FSIP2: variants seen among roughly 807,000 people sequenced by gnomAD.
FSIP2 encodes fibrous sheath interacting protein 2, also known as fibrous sheath-interacting protein 2.
FSIP2 carries 367 observed loss-of-function variants against 510.5 expected under a neutral mutation model. That is an observed-to-expected ratio of 0.72 (90% CI 0.66 to 0.78). The LOEUF (loss-of-function observed/expected upper bound fraction) is 0.78, where lower values mean the gene tolerates loss of function less well. Ranked by LOEUF, FSIP2 falls within the 30% of genes least tolerant of loss-of-function variation. The pLI is 0.00. For synonymous variants in FSIP2, 2,601 were observed against 2,732.2 expected, an observed-to-expected ratio of 0.95 and a Z score of 1.50; for missense variants, 7,594 against 7,901.7, an observed-to-expected ratio of 0.96 and a Z score of 1.48.
intron 13 of FSIP2, among the ~76,000 whole-genome samples, chr2:185,774,204 A>G (rs369807397): frequency 2.0e-5 from 3 of 152,210 alleles, no homozygotes; most frequent in East Asian, 3.8e-4. Flanking sequence ...AACTTAATAT[A>G]GAGCTAAAAA....
In FSIP2 at chr2:185,793,569, C is replaced by G; in HGVS notation, c.6433C>G (p.Leu2145Val). Reference protein sequence around the residue: ...MEGANKIIPKLSVPKSDVILI... With the variant: ...MEGANKIIPKVSVPKSDVILI... Reference sequence around the variant, plus strand: ...GGGTGCAAATAAGATTATTCCTAAGCTTTCAGTTCCTAAATCAGATGTCAT... The same window carrying G: ...GGGTGCAAATAAGATTATTCCTAAGGTTTCAGTTCCTAAATCAGATGTCAT... The change falls in exon 16 of 23, where the codon CTT becomes GTT. Residue 2145 changes from leucine (L) to valine (V), a missense_variant. By Grantham distance (32) the Leu-to-Val change is conservative (BLOSUM62 1). Transcript: ENST00000424728. 6.5e-7 allele frequency: 1 copy of G among 1,534,160 alleles called. No homozygotes were observed. Among genetic ancestry groups the G allele is most frequent in the Non-Finnish European group, 8.7e-7 (1 of 1,145,596 alleles).
At chr2:185,756,697 T>C (rs1020189796) in intron 9 of FSIP2, among the ~76,000 whole-genome samples, 5 of 151,398 alleles carry the variant, frequency 3.3e-5, no homozygotes, top group Non-Finnish European at 4.4e-5. Context: ...TTATGTTATG[T>C]CACTTCATGT....
At chr2:185,810,076 T>C (rs912701494) in intron 17 of FSIP2, among the ~76,000 whole-genome samples, 1 of 152,074 alleles carries the variant, frequency 6.6e-6, no homozygotes, top group African/African-American at 2.4e-5. Flanking sequence ...TATAGAACCA[T>C]GCCTCCTGGA....
chr2:185,738,577 G>A, upstream of FSIP2: 3 of 1,532,512 alleles, frequency 2.0e-6, no homozygotes, highest in Non-Finnish European at 2.6e-6. Flanking sequence ...CACCAACAAA[G>A]CTTATACGTT....
chr2:185,820,489 A>G (rs1005369941), intron 19 of FSIP2, among the ~76,000 whole-genome samples: 6 of 151,366 alleles, frequency 4.0e-5, no homozygotes, highest in Admixed American at 4.0e-4. Flanking sequence ...TTATATACAT[A>G]TATTGTTTTA....
chr2:185,808,807 C>A lies in FSIP2; in HGVS notation c.19501C>A (p.Pro6501Thr). The A allele has an allele frequency of 1.1e-5, 18 of 1,612,654 alleles. No individual in the cohort carries two copies. Among genetic ancestry groups the A allele is most frequent in the Non-Finnish European group, 1.4e-5 (17 of 1,179,406 alleles). The change falls in exon 17 of 23, where the codon CCT becomes ACT. Residue 6501 changes from proline (P) to threonine (T), a missense_variant. Physicochemically the swap from Pro to Thr is conservative, Grantham distance 38. Transcript: ENST00000424728. ...KAQEHAFNVI[P>T]ELEQEKLDQN... ...CCAAGAACATGCTTTTAATGTGATT[C>A]CTGAATTAGAGCAAGAAAAGTTAGA... is the stretch of plus-strand genomic sequence containing the variant.
intron 16 of FSIP2, among the ~76,000 whole-genome samples, chr2:185,799,307 G>T (rs1281505235): frequency 6.6e-6 from 1 of 151,642 alleles, no homozygotes; most frequent in Non-Finnish European, 1.5e-5. Flanking sequence ...TAAATGTTTT[G>T]TCTAAAGCTA....
In FSIP2 at chr2:185,790,505, C is replaced by T. The variant is rs951936498; in HGVS notation, c.3369C>T (p.Ser1123=). The T allele has an allele frequency of 2.3e-5, 35 of 1,534,150 alleles. No individual in the cohort carries two copies. Among genetic ancestry groups the T allele is most frequent in the East Asian group, 4.9e-5 (2 of 40,838 alleles). ...AGGAAATGCTCAAGGACATATCTTC[C>T]GTTCCTTTTGGTCACTTAGACAGCA... is the stretch of plus-strand genomic sequence containing the variant. ...ILKEMLKDIS[S]VPFGHLDSKT... is the part of the protein sequence containing the mutation. Residue 1123 remains serine, a synonymous_variant, in exon 16 of 23, where the codon TCC becomes TCT. Coordinates refer to ENST00000424728, the MANE Select transcript of FSIP2 (RefSeq NM_173651.4).
chr2:185,775,113 G>T (rs1692691666), intron 13 of FSIP2, among the ~76,000 whole-genome samples: 2 of 113,274 alleles, frequency 1.8e-5, no homozygotes, highest in Non-Finnish European at 3.6e-5. Flanking sequence ...GGGATGGCTG[G>T]GTCAAATGGT....
At chr2:185,754,386 G>A (rs1016386471) in intron 8 of FSIP2, among the ~76,000 whole-genome samples, 2 of 151,388 alleles carry the variant, frequency 1.3e-5, no homozygotes, top group South Asian at 2.1e-4. Context: ...ATGCAAAAAT[G>A]TAGACTTGTT....
At chr2:185,768,637 C>A (rs963479042) in intron 13 of FSIP2, among the ~76,000 whole-genome samples, 1 of 151,754 alleles carries the variant, frequency 6.6e-6, no homozygotes, top group African/African-American at 2.4e-5. Flanking sequence ...TTAAGAAAAT[C>A]TTTATTTTAG....
rs768264546 is a variant in FSIP2 at position 185,773,604 on chromosome 2, T to C, written c.1411+9039T>C. On this transcript the variant is annotated intron_variant, in intron 13 of 22. Transcript: ENST00000424728. ...TCTTTGAGATTATTTTATTTGTCTG[T>C]AGTGTCAAATCACACCAGTAAGTTT... Among the ~76,000 whole-genome samples the C allele has an allele frequency of 6.9e-4, 105 of 152,208 alleles. 5 individuals are homozygous for C. The highest frequency in any genetic ancestry group is 3.4e-4 in the Non-Finnish European group (23 of 68,040).
At chr2:185,746,413 G>T (rs1010675862) in intron 5 of FSIP2, among the ~76,000 whole-genome samples, 2 of 151,858 alleles carry the variant, frequency 1.3e-5, no homozygotes, top group African/African-American at 4.8e-5. Context: ...ACTTTGCTCT[G>T]CTTTTTACCA....
chr2:185,814,134 T>G, intron 18 of FSIP2, 92 bp downstream of exon 18: 1 of 1,261,274 alleles, frequency 7.9e-7, no homozygotes, highest in Non-Finnish European at 1.1e-6. Context: ...CAGAAAAGAA[T>G]GCTAAAATGA....
Position 185,803,503 on chromosome 2 carries a change from A to G in FSIP2, c.14197A>G (p.Ile4733Val), listed in dbSNP as rs1330153919. 2.0e-6 allele frequency: 3 copies of G among 1,532,054 alleles called. No homozygotes were observed. The highest frequency in any genetic ancestry group is 1.4e-5 in the African/African-American group (1 of 72,814). The allele number at this position is 1,532,054 out of a possible 1,614,324, so 94.9% of individuals were successfully genotyped here. A position where few individuals can be genotyped will look rare whatever the true frequency, so the allele number is the denominator to read the frequency against. ...TKTLAARITN[I>V]ILAEIFDFQI... The stretch of plus-strand genomic sequence containing the variant: ...GACATTGGCTGCAAGAATAACTAAT[A>G]TCATCCTGGCTGAAATTTTTGATTT... The change falls in exon 17 of 23, where the codon ATC (isoleucine) becomes GTC (valine). Residue 4733 changes from isoleucine to valine, a missense_variant. Physicochemically the swap from Ile to Val is conservative, Grantham distance 29. Transcript: ENST00000424728.
At chr2:185,754,411 C>T (rs1574156938) in intron 8 of FSIP2, among the ~76,000 whole-genome samples, 1 of 151,534 alleles carries the variant, frequency 6.6e-6, no homozygotes, top group East Asian at 2.0e-4. Context: ...CTATCTTTGA[C>T]TGTGTAGTAC....
rs761798539 is a variant in FSIP2 at position 185,755,984 on chromosome 2, G to C, written c.992-208G>C. ...AGAAAAACATTCTATCCCTCCAAAT[G>C]TATCTTTTAATATTAAGGGATAATA... On this transcript the variant is annotated intron_variant, in intron 8 of 22. Transcript: ENST00000424728. 2.0e-5 allele frequency among the ~76,000 whole-genome samples: 3 copies of C among 151,374 alleles called. No homozygotes were observed. In the Admixed American group the frequency reaches 2.0e-4, roughly 10 times the overall value.
At chr2:185,816,802 G>A (rs1379149478) in intron 19 of FSIP2, among the ~76,000 whole-genome samples, 1 of 151,854 alleles carries the variant, frequency 6.6e-6, no homozygotes. Context: ...GTTACAGTGA[G>A]CTATGATTTT....
chr2:185,743,359 T>C (rs935987690), intron 3 of FSIP2, 65 bp downstream of exon 3: 4 of 1,089,382 alleles, frequency 3.7e-6, no homozygotes, highest in Non-Finnish European at 5.0e-6. Flanking sequence ...TAAACTTGTT[T>C]CTGTACCTCA....
Sources: allele counts gnomAD v4.1 joint callset (sites outside exome capture counted in the v4.1 genomes callset), GRCh38; gene constraint gnomAD v4.1.1; transcripts MANE v1.5; gene names NCBI Gene and HGNC (gene_info 2026-07-23, HGNC 2026-07-21).